EDARADD: variants seen among roughly 807,000 people sequenced by gnomAD.
EDARADD encodes the protein ectodysplasin-A receptor-associated adapter protein.
Under a neutral mutation model 25.6 loss-of-function variants are expected in EDARADD, and 20 were observed. That is an observed-to-expected ratio of 0.78 (90% CI 0.55 to 1.14). The LOEUF is 1.14. Ranked by LOEUF, EDARADD falls within the 50% of genes most tolerant of loss-of-function variation. The pLI is 0.00. For synonymous variants in EDARADD, 86 were observed against 94.4 expected (o/e 0.91, Z 0.52); for missense variants, 225 against 270.1 (o/e 0.83, Z 1.17).
At position 236,409,249 on chromosome 1, in the gene EDARADD, A is replaced by G. The variant is rs1168386077; in HGVS notation, c.95A>G (p.Asp32Gly). 1.3e-5 allele frequency: 21 copies of G among 1,613,120 alleles called. No individual in the cohort carries two copies. The highest frequency in any genetic ancestry group is 1.8e-5 in the Non-Finnish European group (21 of 1,179,356). Residue 32 changes from aspartate (D) to glycine (G), a missense_variant, in exon 2 of 6, where the codon GAC (aspartate) becomes GGC (glycine). Physicochemically the swap from Asp to Gly is moderately conservative, Grantham distance 94. Transcript: ENST00000334232. ...GTAAAGGAACCAGTGGAAGACACAG[A>G]CCCTAGCACTTTATCCTTTAATATG... ...HMVKEPVEDT[D>G]PSTLSFNMSD... is the part of the protein sequence containing the mutation.
At chr1:236,378,399 C>A (rs1667250981) in intron 3 of EDARADD, among the ~76,000 whole-genome samples, 1 of 152,138 alleles carries the variant, frequency 6.6e-6, no homozygotes, top group South Asian at 2.1e-4. Flanking sequence ...AGCAACTCAG[C>A]AATTCTTCAG....
chr1:236,412,153 C>A (rs1016357960), intron 2 of EDARADD, among the ~76,000 whole-genome samples: 7 of 152,142 alleles, frequency 4.6e-5, no homozygotes, highest in Admixed American at 6.5e-5. Context: ...TCTTAATACG[C>A]CATGCCCTCT....
chr1:236,416,307 G>A (rs1375363619), intron 3 of EDARADD, among the ~76,000 whole-genome samples: 1 of 152,166 alleles, frequency 6.6e-6, no homozygotes, highest in Non-Finnish European at 1.5e-5. Context: ...CCGAAGAAGT[G>A]TGAAAAATCA....
rs1558127340 is a variant in EDARADD, at chr1:236,447,169, C to CTTT, written c.219+19719_219+19720insTTT. 1.5e-3 allele frequency among the ~76,000 whole-genome samples: 149 copies of CTTT among 98,780 alleles called. 2 individuals carry two copies. The highest frequency in any genetic ancestry group is 3.2e-3 in the African/African-American group (72 of 22,292). 64.8% of individuals were successfully genotyped at this position (98,780 alleles called of 152,430 possible). A position where few individuals can be genotyped will look rare whatever the true frequency, so the allele number is the denominator to read the frequency against. Reference sequence around the variant, plus strand: ...TCCTTCCTTCCTCCCTCCCTCCCTCCCTCTTTCTTTCTTTCTTTCTTTCTT... The same window carrying CTTT: ...TCCTTCCTTCCTCCCTCCCTCCCTCCTTTCTCTTTCTTTCTTTCTTTCTTTCTT... On this transcript the variant is annotated intron_variant, in intron 4 of 5. Transcript: ENST00000334232.
At chr1:236,453,547 A>T (rs180979684) in intron 4 of EDARADD, among the ~76,000 whole-genome samples, 60 of 152,232 alleles carry the variant, frequency 3.9e-4, no homozygotes, top group African/African-American at 1.4e-3. Flanking sequence ...AAGTGGTGGG[A>T]TTACAGGCAT....
At chr1:236,456,162 G>C (rs1658859148) in intron 4 of EDARADD, among the ~76,000 whole-genome samples, 1 of 152,174 alleles carries the variant, frequency 6.6e-6, no homozygotes, top group African/African-American at 2.4e-5. Context: ...GCTTACTGCA[G>C]TCTCCGTCTC....
chr1:236,430,184 A>G (rs746934688), intron 4 of EDARADD, among the ~76,000 whole-genome samples: 47 of 152,362 alleles, frequency 3.1e-4, no homozygotes, highest in Non-Finnish European at 1.3e-4. Context: ...TTAATTGTGA[A>G]TATCAGACTT....
intron 3 of EDARADD, among the ~76,000 whole-genome samples, chr1:236,367,156 GTTTCA>G (rs1667120367): frequency 6.8e-6 from 1 of 147,250 alleles, no homozygotes; most frequent in Non-Finnish European, 1.5e-5. Context: ...TTTTTGGGTT[GTTTCA>G]GGCTAGGCAA....
intron 5 of EDARADD, among the ~76,000 whole-genome samples, chr1:236,480,061 C>G (rs1456140224): frequency 7.1e-6 from 1 of 140,030 alleles, no homozygotes; most frequent in Admixed American, 7.3e-5. Flanking sequence ...AAAACAAAAT[C>G]CCTAATATAA....
chr1:236,442,082 A>G lies in EDARADD; in HGVS notation c.219+14632A>G, dbSNP rs191147155. ...AACAACAGATTTCCAGTGTAGACGAAACAACCTTTCACTGGAAGAAGACGC... is the reference window on the plus strand; with the variant it reads ...AACAACAGATTTCCAGTGTAGACGAGACAACCTTTCACTGGAAGAAGACGC... On this transcript the variant is annotated intron_variant, in intron 4 of 5. Transcript: ENST00000334232. 5.8e-4 allele frequency among the ~76,000 whole-genome samples: 89 copies of G among 152,210 alleles called. 1 individual carries two copies. The highest frequency in any genetic ancestry group is 2.1e-3 in the African/African-American group (86 of 41,526).
upstream of EDARADD, among the ~76,000 whole-genome samples, chr1:236,391,263 C>T (rs146054239): frequency 9.2e-4 from 140 of 152,266 alleles, 1 homozygote; most frequent in African/African-American, 3.3e-3. Context: ...ATGTCGCCAC[C>T]ACCTAATTGC....
At chr1:236,404,615 C>A (rs1264027358) in intron 1 of EDARADD, among the ~76,000 whole-genome samples, 2 of 152,066 alleles carry the variant, frequency 1.3e-5, no homozygotes, top group African/African-American at 4.8e-5. Flanking sequence ...ATAGCGAGAC[C>A]CCGTCTCTAC....
intron 3 of EDARADD, among the ~76,000 whole-genome samples, chr1:236,369,893 G>A (rs1667156324): frequency 6.6e-6 from 1 of 152,072 alleles, no homozygotes; most frequent in Non-Finnish European, 1.5e-5. Flanking sequence ...TATCCTTGAT[G>A]TTATCATACT....
At chr1:236,370,761 C>T (rs1401835440) in intron 3 of EDARADD, among the ~76,000 whole-genome samples, 2 of 152,174 alleles carry the variant, frequency 1.3e-5, no homozygotes, top group South Asian at 2.1e-4. Flanking sequence ...ATCTTAGGAG[C>T]AGTTTAGGGA....
intron 3 of EDARADD, among the ~76,000 whole-genome samples, chr1:236,358,499 TG>T (rs1179902432): frequency 6.6e-6 from 1 of 152,260 alleles, no homozygotes; most frequent in African/African-American, 2.4e-5. Context: ...CAATTTGATG[TG>T]GGCATTTAGT....
chr1:236,430,810 A>G (rs1558122301), intron 4 of EDARADD, among the ~76,000 whole-genome samples: 1 of 152,234 alleles, frequency 6.6e-6, no homozygotes, highest in Non-Finnish European at 1.5e-5. Flanking sequence ...TCCATTCTAT[A>G]GTTCAGACAT....
intron 5 of EDARADD, among the ~76,000 whole-genome samples, chr1:236,478,442 AATATG>A (rs1375382638): frequency 2.0e-5 from 3 of 149,234 alleles, no homozygotes; most frequent in South Asian, 4.2e-4. Context: ...TGGATATATA[AATATG>A]ATATATATAT....
At chr1:236,465,338 A>G (rs1659158243) in intron 4 of EDARADD, among the ~76,000 whole-genome samples, 1 of 152,188 alleles carries the variant, frequency 6.6e-6, no homozygotes, top group Non-Finnish European at 1.5e-5. Context: ...CTCCTTGGAC[A>G]GGCCCCAGTG....
At chr1:236,387,136 G>C in intron 3 of EDARADD, among the ~76,000 whole-genome samples, 1 of 68,610 alleles carries the variant, frequency 1.5e-5, no homozygotes, top group Non-Finnish European at 3.2e-5. Flanking sequence ...GCCCCGTCCG[G>C]GAGGGAGGTG....
Sources: allele counts gnomAD v4.1 joint callset (sites outside exome capture counted in the v4.1 genomes callset), GRCh38; gene constraint gnomAD v4.1.1; transcripts MANE v1.5; gene names NCBI Gene and HGNC (gene_info 2026-07-23, HGNC 2026-07-21).